The following EPHA7 variants were observed in gnomAD, a reference collection of about 807,000 sequenced individuals.
EPHA7 encodes ephrin type-A receptor 7.
In EPHA7, 25 loss-of-function variants were observed where a neutral mutation model predicts 112.6. That is an observed-to-expected ratio of 0.22 (90% CI 0.16 to 0.31). The LOEUF is 0.31. Ranked by LOEUF, EPHA7 falls within the 10% of genes least tolerant of loss-of-function variation. The pLI, the probability that EPHA7 is intolerant of heterozygous loss-of-function variation, is 1.00. For synonymous variants in EPHA7, 437 were observed against 406.5 expected (o/e 1.07, Z -0.90); for missense variants, 962 against 1,212.6 (o/e 0.79, Z 3.07).
At chr6:93,336,606 T>C (rs571151409) in intron 5 of EPHA7, among the ~76,000 whole-genome samples, 2 of 152,228 alleles carry the variant, frequency 1.3e-5, no homozygotes, top group Middle Eastern at 3.4e-3. Flanking sequence ...TTTCACTGTG[T>C]TAGCCAGGAT....
At chr6:93,243,652 C>G in intron 16 of EPHA7, 112 bp from the exon 17 acceptor site, 2 of 712,010 alleles carry the variant, frequency 2.8e-6, no homozygotes, top group South Asian at 3.3e-5. Context: ...TAGATCTTAT[C>G]TTAGTGTTCT....
intron 5 of EPHA7, among the ~76,000 whole-genome samples, chr6:93,274,793 G>GT (rs2127886568): frequency 6.6e-6 from 1 of 151,922 alleles, no homozygotes; most frequent in South Asian, 2.1e-4. Flanking sequence ...TACAGGAAAC[G>GT]TGATTATATT....
chr6:93,249,270 C>T (rs994973917), intron 14 of EPHA7, among the ~76,000 whole-genome samples: 2 of 151,996 alleles, frequency 1.3e-5, no homozygotes, highest in Non-Finnish European at 2.9e-5. Context: ...TATATAAGTA[C>T]AGGAGAAATT....
At chr6:93,259,886 A>T (rs1006632963) in intron 9 of EPHA7, among the ~76,000 whole-genome samples, 2 of 151,980 alleles carry the variant, frequency 1.3e-5, no homozygotes, top group Non-Finnish European at 2.9e-5. Flanking sequence ...ATACACTGGG[A>T]AAAGAAGACA....
intron 3 of EPHA7, among the ~76,000 whole-genome samples, chr6:93,390,122 T>C (rs1777828621): frequency 6.6e-6 from 1 of 151,702 alleles, no homozygotes; most frequent in Admixed American, 6.6e-5. Context: ...ATCAACTATA[T>C]TGTATCCCTG....
chr6:93,271,902 T>C (rs1251381603), intron 6 of EPHA7, among the ~76,000 whole-genome samples: 1 of 151,846 alleles, frequency 6.6e-6, no homozygotes, highest in African/African-American at 2.4e-5. Context: ...GTCATTATCA[T>C]CACTGAAACC....
intron 12 of EPHA7, among the ~76,000 whole-genome samples, chr6:93,256,835 T>C (rs1295266856): frequency 6.6e-6 from 1 of 152,166 alleles, no homozygotes; most frequent in African/African-American, 2.4e-5. Flanking sequence ...TTCTAGATCA[T>C]ATTAAATAAC....
intron 5 of EPHA7, among the ~76,000 whole-genome samples, chr6:93,333,234 T>C (rs1030767532): frequency 6.6e-6 from 1 of 151,830 alleles, no homozygotes; most frequent in Non-Finnish European, 1.5e-5. Context: ...TTTAAGGCTA[T>C]GTAGTATTCC....
intron 5 of EPHA7, among the ~76,000 whole-genome samples, chr6:93,295,441 G>C (rs1772610249): frequency 6.6e-6 from 1 of 151,412 alleles, no homozygotes; most frequent in Non-Finnish European, 1.5e-5. Context: ...TGATTAGATT[G>C]CTTGTCTCTG....
chr6:93,297,596 T>C (rs896272796), intron 5 of EPHA7, among the ~76,000 whole-genome samples: 3 of 152,156 alleles, frequency 2.0e-5, no homozygotes, highest in African/African-American at 7.2e-5. Flanking sequence ...ATAGCCGTTC[T>C]AAACCAAAGA....
rs1779426092 is a variant in EPHA7, at chr6:93,419,555, A to G, written c.-214T>C. 2.0e-6 allele frequency: 1 copy of G among 498,394 alleles called. No homozygotes were observed. 30.9% of individuals were successfully genotyped at this position (498,394 alleles called of 1,614,324 possible). The stretch of plus-strand genomic sequence containing the variant: ...TTGCTGCCTGCAAGTCTCCGACTGC[A>G]GACCGGCCGCTTGCTCCACACTCCA... On this transcript the variant is annotated 5_prime_UTR_variant, in exon 1 of 17. Coordinates refer to ENST00000369303, the MANE Select transcript of EPHA7 (RefSeq NM_004440.4).
At chr6:93,265,527 A>AT (rs1366826591) in intron 7 of EPHA7, among the ~76,000 whole-genome samples, 1 of 151,454 alleles carries the variant, frequency 6.6e-6, no homozygotes, top group Non-Finnish European at 1.5e-5. Context: ...TATCACTTCC[A>AT]TTTTTCCAAA....
intron 3 of EPHA7, among the ~76,000 whole-genome samples, chr6:93,370,170 C>G (rs1228583320): frequency 1.3e-5 from 2 of 152,086 alleles, no homozygotes; most frequent in Non-Finnish European, 2.9e-5. Flanking sequence ...TCTCTGAACA[C>G]AGGGGAGAAA....
At chr6:93,364,417 G>A (rs558820825) in intron 3 of EPHA7, among the ~76,000 whole-genome samples, 1 of 151,640 alleles carries the variant, frequency 6.6e-6, no homozygotes, top group Admixed American at 6.6e-5. Context: ...CCAGCTACTC[G>A]GAAGGCTGAA....
intron 3 of EPHA7, among the ~76,000 whole-genome samples, chr6:93,403,602 G>C (rs76510313): frequency 0.01 from 1,518 of 150,902 alleles, 22 homozygotes; most frequent in African/African-American, 0.034. Flanking sequence ...ATCTACTATG[G>C]TTGCACCTGT....
At chr6:93,394,161 A>G (rs140182472) in intron 3 of EPHA7, among the ~76,000 whole-genome samples, 1 of 151,994 alleles carries the variant, frequency 6.6e-6, no homozygotes, top group African/African-American at 2.4e-5. Flanking sequence ...TACTAACAAT[A>G]ACAAAACTTC....
intron 5 of EPHA7, among the ~76,000 whole-genome samples, chr6:93,336,557 C>T (rs1390131257): frequency 7.2e-5 from 11 of 152,110 alleles, no homozygotes; most frequent in Admixed American, 7.2e-4. Flanking sequence ...CACGTGCCAC[C>T]ACGCCTAGCT....
At chr6:93,414,014 G>A (rs1047197096) in intron 2 of EPHA7, among the ~76,000 whole-genome samples, 3 of 151,818 alleles carry the variant, frequency 2.0e-5, no homozygotes, top group Non-Finnish European at 3.0e-5. Flanking sequence ...CACGGATACT[G>A]AGCTACATTT....
At chr6:93,246,009 T>C (rs951595955) in intron 15 of EPHA7, among the ~76,000 whole-genome samples, 1 of 152,196 alleles carries the variant, frequency 6.6e-6, no homozygotes, top group Non-Finnish European at 1.5e-5. Flanking sequence ...AATGGACTCT[T>C]TTTAATGAGT....
Sources: allele counts gnomAD v4.1 joint callset (sites outside exome capture counted in the v4.1 genomes callset), GRCh38; gene constraint gnomAD v4.1.1; transcripts MANE v1.5; gene names NCBI Gene and HGNC (gene_info 2026-07-23, HGNC 2026-07-21).